The following GPR149 variants were observed in gnomAD, a reference collection of about 807,000 sequenced individuals.
GPR149 encodes probable G protein-coupled receptor 149.
GPR149 carries 50 observed loss-of-function variants against 50.2 expected under a neutral mutation model. That is an observed-to-expected ratio of 1.00 (90% CI 0.79 to 1.26). GPR149 has a LOEUF of 1.26. Among genes scored for constraint, GPR149 ranks in the 50% most tolerant of loss-of-function variants. The pLI, the probability that GPR149 is intolerant of heterozygous loss-of-function variation, is 0.00. For missense variants in GPR149, 983 were observed against 895.4 expected (o/e 1.10, Z -1.25); for synonymous variants, 405 against 358.2 (o/e 1.13, Z -1.48).
At chr3:154,382,417 G>A (rs1405250516) in intron 3 of GPR149, among the ~76,000 whole-genome samples, 1 of 152,192 alleles carries the variant, frequency 6.6e-6, no homozygotes, top group Non-Finnish European at 1.5e-5. Context: ...CAGGAAGGCT[G>A]CTGGTAAGTA....
chr3:154,335,716 A>C lies in GPR149; in HGVS notation c.*1983T>G, dbSNP rs1217994728. The C allele has an allele frequency of 1.3e-5, 2 of 152,150 alleles. No homozygotes were observed. Among genetic ancestry groups the C allele is most frequent in the Admixed American group, 6.5e-5 (1 of 15,274 alleles). The allele number at this position is 152,150 out of a possible 1,614,324, so 9.4% of individuals were successfully genotyped here. On this transcript the variant is annotated 3_prime_UTR_variant, in exon 4 of 4. Transcript: ENST00000389740. ...TTCTATCTATTTCTTAATGCTCTTTAAACCTTGATTTCTGTTATAATCTCC... is the reference window on the plus strand; with the variant it reads ...TTCTATCTATTTCTTAATGCTCTTTCAACCTTGATTTCTGTTATAATCTCC...
intron 3 of GPR149, among the ~76,000 whole-genome samples, chr3:154,361,654 A>G (rs1385655916): frequency 6.6e-6 from 1 of 152,098 alleles, no homozygotes; most frequent in African/African-American, 2.4e-5. Context: ...TCTTTTCTCT[A>G]TCAAAACTTG....
Position 154,427,516 on chromosome 3 carries a change from T to A in GPR149, c.1174A>T (p.Ile392Phe). The A allele has an allele frequency of 1.2e-6, 2 of 1,601,398 alleles. No individual in the cohort carries two copies. The highest frequency in any genetic ancestry group is 1.7e-6 in the Non-Finnish European group (2 of 1,174,496). The change falls in exon 2 of 4, where the codon ATC becomes TTC. Residue 392 changes from isoleucine (I) to phenylalanine (F), a missense_variant and splice_region_variant. Transcript: ENST00000389740. ...AATCACTGCAGTGTTGAGGACTTAC[T>A]TTTTTTCCCATCGGACGCCACTGCA... ...AYAVASDGKKIKRKGFEFNLS... is the reference protein window; with the variant it reads ...AYAVASDGKKFKRKGFEFNLS...
At position 154,357,542 on chromosome 3, in the gene GPR149, C is replaced by T. The variant is rs547675911; in HGVS notation, c.1624-19271G>A. Reference sequence around the variant, plus strand: ...CAGCCAAAGGACACATGAAAAAATGCTCACCATCACTGGCCATCAGAGAAA... The same window carrying T: ...CAGCCAAAGGACACATGAAAAAATGTTCACCATCACTGGCCATCAGAGAAA... On this transcript the variant is annotated intron_variant, in intron 3 of 3. Coordinates refer to ENST00000389740, the MANE Select transcript of GPR149 (RefSeq NM_001038705.3). Among the ~76,000 whole-genome samples, 3 of 152,306 alleles carry T rather than the reference C, an allele frequency of 2.0e-5. No individual in the cohort carries two copies. In the South Asian group the frequency reaches 6.2e-4, roughly 32 times the overall value.
intron 3 of GPR149, among the ~76,000 whole-genome samples, chr3:154,348,295 C>A (rs970429638): frequency 2.0e-5 from 3 of 152,036 alleles, no homozygotes; most frequent in Non-Finnish European, 4.4e-5. Flanking sequence ...TCTAAATAAA[C>A]CAATTAAAAG....
chr3:154,392,825 T>A (rs1715200722), intron 3 of GPR149, among the ~76,000 whole-genome samples: 1 of 151,906 alleles, frequency 6.6e-6, no homozygotes, highest in Admixed American at 6.6e-5. Flanking sequence ...TAAATTGGAT[T>A]ACCTGGAAGA....
At chr3:154,382,493 A>G (rs1714949558) in intron 3 of GPR149, among the ~76,000 whole-genome samples, 1 of 152,212 alleles carries the variant, frequency 6.6e-6, no homozygotes, top group African/African-American at 2.4e-5. Context: ...GCAGAAAGCT[A>G]ATTCACTAAA....
chr3:154,424,881 C>T, intron 2 of GPR149, among the ~76,000 whole-genome samples: 1 of 127,960 alleles, frequency 7.8e-6, no homozygotes, highest in African/African-American at 2.8e-5. Flanking sequence ...ATCATTTTGT[C>T]AAAAAAAAAA....
At chr3:154,350,248 A>G (rs945460160) in intron 3 of GPR149, among the ~76,000 whole-genome samples, 1 of 152,164 alleles carries the variant, frequency 6.6e-6, no homozygotes, top group East Asian at 1.9e-4. Context: ...CCAGAAAGGA[A>G]GAAATGAAAC....
In GPR149 at chr3:154,427,586, G is replaced by C. The variant is rs896153498; in HGVS notation, c.1104C>G (p.Thr368=). 3 of 1,614,150 alleles carry C rather than the reference G, an allele frequency of 1.9e-6. No homozygotes were observed. The highest frequency in any genetic ancestry group is 2.5e-6 in the Non-Finnish European group (3 of 1,180,026). Residue 368 remains threonine, a synonymous_variant, in exon 2 of 4, where the codon ACC becomes ACG. Transcript: ENST00000389740. ...TPVFVLSKRW[T]HLPCGCIINC... ...TGATGATGCAGCCACAGGGCAAGTG[G>C]GTCCAGCGTTTGGACAAGACAAACA...
At chr3:154,351,308 A>T (rs9812606) in intron 3 of GPR149, among the ~76,000 whole-genome samples, 4 of 85,104 alleles carry the variant, frequency 4.7e-5, no homozygotes, top group Admixed American at 3.4e-4. Flanking sequence ...TTAGACATCC[A>T]CATACAAAAA....
rs146183747 is a variant in GPR149, at chr3:154,337,092, T to C, written c.*607A>G. On this transcript the variant is annotated 3_prime_UTR_variant, in exon 4 of 4. Coordinates refer to ENST00000389740, the MANE Select transcript of GPR149 (RefSeq NM_001038705.3). ...TAGGTAAGAAAAAAAGAAAAAACAG[T>C]AAACAATTTATATTTGGTAGAAATG... is the stretch of plus-strand genomic sequence containing the variant. The C allele has an allele frequency of 6.6e-6, 1 of 152,182 alleles. No individual in the cohort carries two copies. The highest frequency in any genetic ancestry group is 1.9e-4 in the East Asian group (1 of 5,184). The allele number at this position is 152,182 out of a possible 1,614,324, so 9.4% of individuals were successfully genotyped here.
At chr3:154,355,316 A>T (rs1290594055) in intron 3 of GPR149, among the ~76,000 whole-genome samples, 4 of 152,158 alleles carry the variant, frequency 2.6e-5, no homozygotes. Flanking sequence ...GTGAGCCACC[A>T]CGCCCGGCCA....
chr3:154,351,477 G>A (rs1714080446), intron 3 of GPR149, among the ~76,000 whole-genome samples: 1 of 152,024 alleles, frequency 6.6e-6, no homozygotes, highest in African/African-American at 2.4e-5. Context: ...CTAAGGCTAG[G>A]AAGGGGTTAT....
intron 3 of GPR149, among the ~76,000 whole-genome samples, chr3:154,403,312 AG>A: frequency 6.6e-6 from 1 of 152,204 alleles, no homozygotes; most frequent in Non-Finnish European, 1.5e-5. Flanking sequence ...AATTTAACAG[AG>A]ATAAGACATA....
intron 3 of GPR149, among the ~76,000 whole-genome samples, chr3:154,390,759 G>A (rs1715149813): frequency 6.6e-6 from 1 of 152,064 alleles, no homozygotes; most frequent in Non-Finnish European, 1.5e-5. Context: ...AATTCACAGT[G>A]AGACACATAA....
chr3:154,371,491 G>A (rs921460919), intron 3 of GPR149, among the ~76,000 whole-genome samples: 1 of 152,032 alleles, frequency 6.6e-6, no homozygotes, highest in Non-Finnish European at 1.5e-5. Context: ...TGGAATTGGA[G>A]GCATAACCTC....
intron 3 of GPR149, chr3:154,354,272 ATCTT>A (rs1714159795): frequency 5.0e-6 from 2 of 398,708 alleles, no homozygotes; most frequent in East Asian, 1.6e-4. Flanking sequence ...TTTTCAGCTT[ATCTT>A]GTTTAAATCT....
chr3:154,404,432 T>G (rs971912353), intron 3 of GPR149, among the ~76,000 whole-genome samples: 2 of 152,246 alleles, frequency 1.3e-5, no homozygotes, highest in Non-Finnish European at 2.9e-5. Flanking sequence ...TATATATTTT[T>G]CAAATATCCA....
Sources: gnomAD v4.1 joint callset for allele counts (sites outside exome capture counted in the v4.1 genomes callset) on GRCh38, gnomAD v4.1.1 for gene constraint, MANE v1.5 for transcripts, NCBI Gene and HGNC (gene_info 2026-07-23, HGNC 2026-07-21) for gene names.